Variants in FRRS1 observed in about 807,000 individuals in gnomAD.
FRRS1 encodes ferric chelate reductase 1, also known as ferric reductase 1.
A neutral mutation model predicts 70.7 loss-of-function variants in FRRS1; 51 were observed. The ratio of observed to expected loss-of-function variants is 0.72; its 90% CI spans 0.58 to 0.91. The LOEUF (loss-of-function observed/expected upper bound fraction) is 0.91, where lower values mean the gene tolerates loss of function less well. Among genes scored for constraint, FRRS1 ranks in the 40% least tolerant of loss-of-function variants. FRRS1 has a pLI of 0.00. For missense variants in FRRS1, 672 were observed against 726.0 expected, an observed-to-expected ratio of 0.93 and a Z score of 0.86; for synonymous variants, 225 against 238.7, an observed-to-expected ratio of 0.94 and a Z score of 0.53.
intron 7 of FRRS1, among the ~76,000 whole-genome samples, chr1:99,732,844 ATTTTT>A (rs5776486): frequency 2.5e-4 from 37 of 145,232 alleles, no homozygotes; most frequent in African/African-American, 7.7e-4. Context: ...TTTTGAGACA[ATTTTT>A]TTTTTTTTTT....
intron 9 of FRRS1, among the ~76,000 whole-genome samples, chr1:99,725,588 G>A (rs1557690038): frequency 6.6e-6 from 1 of 152,180 alleles, no homozygotes; most frequent in Admixed American, 6.5e-5. Context: ...AGCACATTAA[G>A]CGCGACACTT....
chr1:99,744,904 A>G (rs531543070), intron 4 of FRRS1, among the ~76,000 whole-genome samples: 68 of 139,836 alleles, frequency 4.9e-4, no homozygotes, highest in African/African-American at 1.6e-3. Flanking sequence ...CGGGAGGCGG[A>G]GCTTGCAGTG....
At chr1:99,746,634 G>A (rs376027804) in intron 4 of FRRS1, among the ~76,000 whole-genome samples, 16 of 152,298 alleles carry the variant, frequency 1.1e-4, no homozygotes, top group African/African-American at 3.6e-4. Flanking sequence ...GCCAGATGAC[G>A]ATGAGGACTA....
At chr1:99,742,633 A>G (rs1332369405) in intron 4 of FRRS1, among the ~76,000 whole-genome samples, 1 of 152,206 alleles carries the variant, frequency 6.6e-6, no homozygotes, top group Non-Finnish European at 1.5e-5. Flanking sequence ...CGAAAGAGAA[A>G]AATTTCCTGC....
At chr1:99,714,536 C>T (rs11801730) in intron 12 of FRRS1, among the ~76,000 whole-genome samples, 16,596 of 152,074 alleles carry the variant, frequency 0.11, 1,731 homozygotes, top group African/African-American at 0.28. Context: ...AGATTGTGCA[C>T]GGGCAAGGGT....
chr1:99,764,509 CTA>C (rs760452463), intron 1 of FRRS1, among the ~76,000 whole-genome samples: 10 of 152,082 alleles, frequency 6.6e-5, no homozygotes, highest in East Asian at 1.9e-4. Context: ...TTCAAACATT[CTA>C]TGTTACTTTT....
chr1:99,747,784 C>G (rs1656357958), intron 3 of FRRS1: 1 of 161,842 alleles, frequency 6.2e-6, no homozygotes, highest in Non-Finnish European at 1.3e-5. Flanking sequence ...ACCAAACCCT[C>G]GTGACATGGA....
chr1:99,715,403 G>A (rs1051613770), intron 12 of FRRS1, among the ~76,000 whole-genome samples, 183 bp downstream of exon 12: 5 of 152,134 alleles, frequency 3.3e-5, no homozygotes, highest in African/African-American at 1.2e-4. Context: ...TAAGTAATCT[G>A]TACTGACATC....
At chr1:99,720,683 T>C in intron 9 of FRRS1, among the ~76,000 whole-genome samples, 1 of 152,160 alleles carries the variant, frequency 6.6e-6, no homozygotes, top group East Asian at 1.9e-4. Flanking sequence ...ACTACTCTTT[T>C]TAATAACCTT....
chr1:99,715,667 A>T lies in FRRS1; in HGVS notation c.1242T>A (p.His414Gln). The change falls in exon 12 of 17, where the codon CAT becomes CAA. Residue 414 changes from histidine (H) to glutamine (Q), a missense_variant. Coordinates refer to ENST00000646001, the MANE Select transcript of FRRS1 (RefSeq NM_001361041.2). ...CAGTTGTGGTGAACATGAGCATCCG[A>T]TGCACCTGCAAGGTAAAATGACAAA... ...LLGEAAWFQVHRMLMFTTTVL... is the reference protein window; with the variant it reads ...LLGEAAWFQVQRMLMFTTTVL... The T allele has an allele frequency of 1.2e-6, 2 of 1,609,900 alleles. No individual in the cohort carries two copies. Among genetic ancestry groups the T allele is most frequent in the Non-Finnish European group, 1.7e-6 (2 of 1,176,218 alleles).
In FRRS1 at chr1:99,742,237, T is replaced by G. The variant is rs150438852; in HGVS notation, c.370A>C (p.Thr124Pro). 1.4e-5 allele frequency: 23 copies of G among 1,609,450 alleles called. No homozygotes were observed. Among genetic ancestry groups the G allele is most frequent in the South Asian group, 2.2e-5 (2 of 90,968 alleles). Residue 124 changes from threonine to proline, a missense_variant, in exon 5 of 17, where the codon ACA (threonine) becomes CCA (proline). By Grantham distance (38) the Thr-to-Pro change is conservative (BLOSUM62 -1). Transcript: ENST00000646001. ...GCATTCCAGTAGACTTTAATTTCTG[T>G]TTTTTTAGATGCACTTCTGTGACTC... ...AVSHRSASKK[T>P]EIKVYWNAPS... is the part of the protein sequence containing the mutation.
chr1:99,754,664 T>G (rs1158478945), intron 1 of FRRS1, among the ~76,000 whole-genome samples: 4 of 152,206 alleles, frequency 2.6e-5, no homozygotes, highest in Non-Finnish European at 5.9e-5. Context: ...TCACATGGAA[T>G]GTTCACCAAG....
At chr1:99,758,257 C>G (rs1415405403) in intron 1 of FRRS1, among the ~76,000 whole-genome samples, 1 of 152,222 alleles carries the variant, frequency 6.6e-6, no homozygotes, top group East Asian at 1.9e-4. Flanking sequence ...GCTTGCATGA[C>G]TCAGCTTTCA....
chr1:99,755,805 A>G (rs1469631536), intron 1 of FRRS1, among the ~76,000 whole-genome samples: 1 of 152,242 alleles, frequency 6.6e-6, no homozygotes, highest in Non-Finnish European at 1.5e-5. Flanking sequence ...TTGAGCAAGA[A>G]GTATAAGACA....
At position 99,738,233 on chromosome 1, in the gene FRRS1, A is replaced by T; in HGVS notation, c.612T>A (p.Cys204Ter). 6.2e-7 allele frequency: 1 copy of T among 1,610,828 alleles called. No homozygotes were observed. Among genetic ancestry groups the T allele is most frequent in the Non-Finnish European group, 8.5e-7 (1 of 1,178,974 alleles). ...GGTCACAGTTCAAAGGACTCCTAAT[A>T]CAGAACTTCTTGTTCCCACAATCTG... ...SASDCGNKKF[C>*]IRSPLNCDPE... Residue 204 changes from cysteine (C) to a stop codon, truncating the protein, a stop_gained, in exon 7 of 17, where the codon TGT (cysteine) becomes TGA (stop). Transcript: ENST00000646001. LOFTEE classifies it high-confidence loss of function.
In FRRS1 at chr1:99,707,815, A is replaced by G. The variant is rs943647990; in HGVS notation, c.*1213T>C. Among the ~76,000 whole-genome samples the G allele has an allele frequency of 2.0e-5, 3 of 152,240 alleles. No individual in the cohort carries two copies. Among genetic ancestry groups the G allele is most frequent in the African/African-American group, 7.2e-5 (3 of 41,466 alleles). ...TAGATGAATTCTTGAAATAAGGAAT[A>G]TAACACTGACTATTCTGATTCAGTA... On this transcript the variant is annotated 3_prime_UTR_variant, in exon 17 of 17. Coordinates refer to ENST00000646001, the MANE Select transcript of FRRS1 (RefSeq NM_001361041.2).
intron 7 of FRRS1, among the ~76,000 whole-genome samples, 190 bp downstream of exon 7, chr1:99,737,896 C>A (rs941850022): frequency 6.6e-6 from 1 of 152,272 alleles, no homozygotes; most frequent in Middle Eastern, 3.4e-3. Flanking sequence ...GCGCCCGCCA[C>A]GACGCTAGGC....
chr1:99,719,407 CAA>C (rs71854810), intron 10 of FRRS1, 125 bp downstream of exon 10: 17,581 of 378,460 alleles, frequency 0.046, no homozygotes, highest in Non-Finnish European at 0.052. Context: ...GACTCCATCT[CAA>C]AAAAAAAAAA....
Position 99,704,546 on chromosome 1 carries a change from T to C in FRRS1, c.*4482A>G, listed in dbSNP as rs12136609. 0.079 allele frequency among the ~76,000 whole-genome samples: 12,028 copies of C among 152,082 alleles called. 708 individuals carry two copies. Among genetic ancestry groups the C allele is most frequent in the African/African-American group, 0.17 (6,917 of 41,456 alleles). Reference sequence around the variant, plus strand: ...CCAAACCCGTGCCCACGGGTCTAAGTGAGGACAGGCACCCCTGCCTTCAGC... The same window carrying C: ...CCAAACCCGTGCCCACGGGTCTAAGCGAGGACAGGCACCCCTGCCTTCAGC... On this transcript the variant is annotated 3_prime_UTR_variant, in exon 17 of 17. Transcript: ENST00000646001.
Sources: gnomAD v4.1 joint callset for allele counts (sites outside exome capture counted in the v4.1 genomes callset) on GRCh38, gnomAD v4.1.1 for gene constraint, MANE v1.5 for transcripts, NCBI Gene and HGNC (gene_info 2026-07-23, HGNC 2026-07-21) for gene names.